The following LIPC variants were observed in gnomAD, a reference collection of about 807,000 sequenced individuals.
LIPC encodes lipase C, hepatic type, also known as hepatic triacylglycerol lipase.
In LIPC, 44 loss-of-function variants were observed where a neutral mutation model predicts 50.7. That is an observed-to-expected ratio of 0.87 (90% CI 0.68 to 1.11). LIPC has a LOEUF of 1.11. Among genes scored for constraint, LIPC ranks in the 50% most tolerant of loss-of-function variants. The pLI is 0.00. For synonymous variants in LIPC, 271 were observed against 256.4 expected, an observed-to-expected ratio of 1.06 and a Z score of -0.54; for missense variants, 697 against 648.2, an observed-to-expected ratio of 1.08 and a Z score of -0.82.
At position 58,568,586 on chromosome 15, in the gene LIPC, A is replaced by G. The variant is rs149363976; in HGVS notation, c.1389-130A>G. 492 of 674,630 alleles carry G rather than the reference A, an allele frequency of 7.3e-4. 1 individual carries two copies. The African/African-American group carries it at 8.1e-3, about 11-fold the overall frequency. 41.8% of individuals were successfully genotyped at this position (674,630 alleles called of 1,614,324 possible). ...TGAAGTTACAAAAATATTTGCGAACATAAGAATCTAACTTAAAAAAAGACA... is the reference window on the plus strand; with the variant it reads ...TGAAGTTACAAAAATATTTGCGAACGTAAGAATCTAACTTAAAAAAAGACA... On this transcript the variant is annotated intron_variant, in intron 8 of 8. Transcript: ENST00000299022.
At chr15:58,440,527 T>C (rs1893468668) in intron 1 of LIPC, among the ~76,000 whole-genome samples, 1 of 152,230 alleles carries the variant, frequency 6.6e-6, no homozygotes, top group South Asian at 2.1e-4. Context: ...TAGGAAAGTA[T>C]ATCCCTGAGG....
At chr15:58,532,704 C>A (rs1429724686) in intron 1 of LIPC, among the ~76,000 whole-genome samples, 1 of 152,178 alleles carries the variant, frequency 6.6e-6, no homozygotes, top group Non-Finnish European at 1.5e-5. Flanking sequence ...GGGCGGGAGG[C>A]AGATCCTGAC....
Position 58,452,445 on chromosome 15 carries a change from G to C in LIPC, c.88+20325G>C, listed in dbSNP as rs546008771. 1.3e-5 allele frequency among the ~76,000 whole-genome samples: 2 copies of C among 152,294 alleles called. 1 individual carries two copies. The highest frequency in any genetic ancestry group is 4.8e-5 in the African/African-American group (2 of 41,564). ...TCTGAATTTAGAAGAGTGTGAACGT[G>C]AAACAGTTTTCTATTTCTCCCATTC... On this transcript the variant is annotated intron_variant, in intron 1 of 8. Coordinates refer to ENST00000299022, the MANE Select transcript of LIPC (RefSeq NM_000236.3).
chr15:58,464,877 G>T (rs979251095), intron 1 of LIPC, among the ~76,000 whole-genome samples: 1 of 152,172 alleles, frequency 6.6e-6, no homozygotes. Context: ...GGAGACTGAG[G>T]CAGAAAAATC....
At chr15:58,547,399 G>A (rs1480786908) in intron 5 of LIPC, among the ~76,000 whole-genome samples, 1 of 152,164 alleles carries the variant, frequency 6.6e-6, no homozygotes, top group Non-Finnish European at 1.5e-5. Flanking sequence ...GTGGAGGAGC[G>A]GAGGGCACGC....
At chr15:58,453,560 G>C (rs1566912266) in intron 1 of LIPC, among the ~76,000 whole-genome samples, 1 of 152,092 alleles carries the variant, frequency 6.6e-6, no homozygotes, top group Non-Finnish European at 1.5e-5. Flanking sequence ...GAGAGCCCTG[G>C]AGTTTGAAGA....
At chr15:58,440,492 G>A (rs1235963399) in intron 1 of LIPC, among the ~76,000 whole-genome samples, 2 of 152,138 alleles carry the variant, frequency 1.3e-5, no homozygotes, top group African/African-American at 4.8e-5. Context: ...TAAACTGTCC[G>A]CTGTGTACCA....
At chr15:58,453,390 G>A (rs1210441997) in intron 1 of LIPC, among the ~76,000 whole-genome samples, 2 of 152,134 alleles carry the variant, frequency 1.3e-5, no homozygotes, top group Non-Finnish European at 2.9e-5. Context: ...CGCATTCTCG[G>A]TAAGTGATTC....
chr15:58,563,732 T>C lies in LIPC; in HGVS notation c.1388+9T>C, dbSNP rs769842870. 6.2e-6 allele frequency: 10 copies of C among 1,609,222 alleles called. No homozygotes were observed. The highest frequency in any genetic ancestry group is 7.6e-6 in the Non-Finnish European group (9 of 1,177,470). ...GGAGAAACCCAGCAAAGGTGACTGC[T>C]GATTCAATCTCCTATTAACGTCCAT... is the stretch of plus-strand genomic sequence containing the variant. On this transcript the variant is annotated intron_variant, in intron 8 of 8. Transcript: ENST00000299022.
chr15:58,438,517 G>A (rs1893389032), intron 1 of LIPC, among the ~76,000 whole-genome samples: 1 of 152,232 alleles, frequency 6.6e-6, no homozygotes, highest in Admixed American at 6.5e-5. Flanking sequence ...CTGCCCAGCA[G>A]GCTGGACTTC....
rs17301795 is a variant in LIPC at position 58,509,191 on chromosome 15, T to C, written c.89-29142T>C. On this transcript the variant is annotated intron_variant, in intron 1 of 8. Transcript: ENST00000299022. The stretch of plus-strand genomic sequence containing the variant: ...AAATACATCAATCCACTGTGAATGG[T>C]TTAGATAGAATAGAATCCATCAATG... Among the ~76,000 whole-genome samples, 127 of 152,308 alleles carry C rather than the reference T, an allele frequency of 8.3e-4. 3 individuals carry two copies. In the East Asian group the frequency reaches 0.022, roughly 27 times the overall value.
chr15:58,556,800 G>A (rs1454064150), intron 6 of LIPC, among the ~76,000 whole-genome samples: 1 of 152,246 alleles, frequency 6.6e-6, no homozygotes, highest in Non-Finnish European at 1.5e-5. Context: ...ACGTGACAAC[G>A]ACAAGTTACT....
At chr15:58,477,605 C>T (rs928039923) in intron 1 of LIPC, among the ~76,000 whole-genome samples, 3 of 152,282 alleles carry the variant, frequency 2.0e-5, no homozygotes, top group African/African-American at 7.2e-5. Flanking sequence ...TCTCCCTTTA[C>T]CCTTGTAGAA....
At chr15:58,505,968 C>A (rs1423564451) in intron 1 of LIPC, among the ~76,000 whole-genome samples, 1 of 152,214 alleles carries the variant, frequency 6.6e-6, no homozygotes, top group Non-Finnish European at 1.5e-5. Context: ...TGTGCCAGAG[C>A]TCCTGGGCTT....
At chr15:58,563,021 C>G (rs1894219143) in intron 7 of LIPC, among the ~76,000 whole-genome samples, 1 of 152,160 alleles carries the variant, frequency 6.6e-6, no homozygotes, top group Non-Finnish European at 1.5e-5. Flanking sequence ...ATCGGTGCAT[C>G]CTTTTTATGT....
intron 1 of LIPC, among the ~76,000 whole-genome samples, chr15:58,487,252 G>C (rs1251698988): frequency 6.6e-6 from 1 of 152,220 alleles, no homozygotes; most frequent in Non-Finnish European, 1.5e-5. Context: ...ATCTTAAGTA[G>C]CTAATGACTT....
intron 1 of LIPC, 81 bp from the exon 2 acceptor site, chr15:58,538,252 T>C (rs751235659): frequency 2.2e-6 from 3 of 1,375,916 alleles, no homozygotes; most frequent in Non-Finnish European, 3.1e-6. Context: ...CTTGTGCTTG[T>C]AGAAGCAGCC....
intron 1 of LIPC, among the ~76,000 whole-genome samples, chr15:58,487,289 G>C (rs1428711998): frequency 1.3e-5 from 2 of 152,154 alleles, no homozygotes; most frequent in African/African-American, 4.8e-5. Flanking sequence ...CATTCTCATG[G>C]GCAAATGAAG....
chr15:58,441,836 TAGTC>T (rs1203305995), intron 1 of LIPC, among the ~76,000 whole-genome samples: 1 of 152,226 alleles, frequency 6.6e-6, no homozygotes, highest in African/African-American at 2.4e-5. Context: ...TCATTCCTGT[TAGTC>T]AGAAGAGGGA....
Sources: allele counts gnomAD v4.1 joint callset (sites outside exome capture counted in the v4.1 genomes callset), GRCh38; gene constraint gnomAD v4.1.1; transcripts MANE v1.5; gene names NCBI Gene and HGNC (gene_info 2026-07-23, HGNC 2026-07-21).